The following XG variants were observed in gnomAD, a reference collection of about 807,000 sequenced individuals.
The protein encoded by XG is glycoprotein Xg.
Under a neutral mutation model 25.7 loss-of-function variants are expected in XG, and 24 were observed. The observed-to-expected ratio is 0.93, with a 90% CI of 0.68 to 1.31. The LOEUF (loss-of-function observed/expected upper bound fraction) is 1.31, where lower values mean the gene tolerates loss of function less well. Among genes scored for constraint, XG ranks in the 40% most tolerant of loss-of-function variants. The probability of loss-of-function intolerance (pLI) is 0.00; values close to 1 mark genes in which losing one functional copy is unlikely to be tolerated. For missense variants in XG, 181 were observed against 187.6 expected (o/e 0.96, Z 0.21); for synonymous variants, 77 against 69.2 (o/e 1.11, Z -0.56).
Position 2,811,293 on chromosome X carries a change from T to C in XG, c.455-43T>C, listed in dbSNP as rs766415004. ...TATTTAAGCAGTTTTCCTGCAGCCATGTTTTTTTCTCGGATGAGCTTGCTT... is the reference window on the plus strand; with the variant it reads ...TATTTAAGCAGTTTTCCTGCAGCCACGTTTTTTTCTCGGATGAGCTTGCTT... On this transcript the variant is annotated intron_variant, in intron 9 of 10. Coordinates refer to ENST00000644266, the MANE Select transcript of XG (RefSeq NM_001141919.2). The C allele has an allele frequency of 2.8e-5, 30 of 1,058,993 alleles. No homozygotes were observed. The Admixed American group carries it at 4.9e-4, about 17-fold the overall frequency. 87.3% of individuals were successfully genotyped at this position (1,058,993 alleles called of 1,213,427 possible). A position where few individuals can be genotyped will look rare whatever the true frequency, so the allele number is the denominator to read the frequency against.
Position 2,774,406 on chromosome X carries a change from A to C in XG, c.104-310A>C, listed in dbSNP as rs1027501830. Among the ~76,000 whole-genome samples, 116 of 131,574 alleles carry C rather than the reference A, an allele frequency of 8.8e-4. 1 individual carries two copies. The highest frequency in any genetic ancestry group is 3.0e-3 in the African/African-American group (105 of 34,590). 86.3% of individuals were successfully genotyped at this position (131,574 alleles called of 152,430 possible). A position where few individuals can be genotyped will look rare whatever the true frequency, so the allele number is the denominator to read the frequency against. ...CTTTTCTTTTGCCTCCCCCTGCCTC[A>C]CCCTCCACCGTCCAGCCCTGTGGTG... On this transcript the variant is annotated intron_variant, in intron 2 of 10. Transcript: ENST00000644266.
At chrX:2,797,586 G>GCA (rs755459001) in intron 7 of XG, among the ~76,000 whole-genome samples, 9,323 of 102,385 alleles carry the variant, frequency 0.091, 983 homozygotes, top group African/African-American at 0.29. Context: ...ATACACACAT[G>GCA]CACACACACA....
Position 2,811,512 on chromosome X carries a change from T to C in XG, c.571+60T>C, listed in dbSNP as rs1178336217. ...CTAAGCCTGATTTAAAAAAAAAAAT[T>C]ACTTTCAGATGTCTGTCACTAGCAA... is the stretch of plus-strand genomic sequence containing the variant. On this transcript the variant is annotated intron_variant, in intron 10 of 10. Transcript: ENST00000644266. 1.3e-5 allele frequency: 11 copies of C among 820,149 alleles called. No homozygotes were observed. The Admixed American group carries it at 3.1e-4, about 23-fold the overall frequency. 67.6% of individuals were successfully genotyped at this position (820,149 alleles called of 1,213,427 possible). A position where few individuals can be genotyped will look rare whatever the true frequency, so the allele number is the denominator to read the frequency against.
At chrX:2,790,387 C>A (rs2086825303) in intron 5 of XG, among the ~76,000 whole-genome samples, 1 of 109,433 alleles carries the variant, frequency 9.1e-6, no homozygotes, top group African/African-American at 3.3e-5. Flanking sequence ...TGTAATCCAG[C>A]TACTCAGGAG....
At chrX:2,792,545 T>TTTTCTTTGTG (rs2086847196) in intron 5 of XG, among the ~76,000 whole-genome samples, 2 of 99,778 alleles carry the variant, frequency 2.0e-5, no homozygotes, top group East Asian at 3.1e-4. Context: ...TTCTTTTTCT[T>TTTTCTTTGTG]TGTGTGTGTG....
chrX:2,766,221 A>G (rs1245924589), intron 1 of XG, among the ~76,000 whole-genome samples: 3 of 152,098 alleles, frequency 2.0e-5, no homozygotes, highest in Admixed American at 2.0e-4. Flanking sequence ...GCTCACTGCA[A>G]TCTCCACCTC....
chrX:2,766,855 G>T (rs776689755), intron 1 of XG, among the ~76,000 whole-genome samples: 1 of 152,120 alleles, frequency 6.6e-6, no homozygotes, highest in Admixed American at 6.5e-5. Flanking sequence ...GTGAGCCACC[G>T]CGCCCAGCCT....
intron 1 of XG, among the ~76,000 whole-genome samples, chrX:2,759,781 G>A (rs1046040658): frequency 6.6e-6 from 1 of 152,208 alleles, no homozygotes; most frequent in Non-Finnish European, 1.5e-5. Context: ...GTAGAAAAGT[G>A]GGGTTCTGCC....
chrX:2,777,105 A>T (rs2051015953), intron 3 of XG, among the ~76,000 whole-genome samples: 1 of 152,222 alleles, frequency 6.6e-6, no homozygotes, highest in South Asian at 2.1e-4. Flanking sequence ...TCACACCCTG[A>T]ATAGCACAGC....
At chrX:2,809,638 T>G (rs940251295) in intron 9 of XG, among the ~76,000 whole-genome samples, 1 of 112,589 alleles carries the variant, frequency 8.9e-6, no homozygotes, top group Non-Finnish European at 1.9e-5. Flanking sequence ...TGTTCGTGAT[T>G]ATGTGAGTCA....
chrX:2,781,920 C>G, intron 3 of XG, 146 bp from the exon 4 acceptor site: 4 of 508,400 alleles, frequency 7.9e-6, no homozygotes, highest in Non-Finnish European at 1.3e-5. Flanking sequence ...TTTAACCAGA[C>G]AATGGCAATC....
intron 3 of XG, among the ~76,000 whole-genome samples, chrX:2,776,183 C>T (rs2050986018): frequency 6.6e-6 from 1 of 151,880 alleles, no homozygotes; most frequent in South Asian, 2.1e-4. Context: ...GACCGAGAGA[C>T]GGCTAATGCT....
intron 1 of XG, among the ~76,000 whole-genome samples, chrX:2,766,150 C>CACT (rs1556360732): frequency 6.6e-6 from 1 of 151,366 alleles, no homozygotes; most frequent in Non-Finnish European, 1.5e-5. Flanking sequence ...CTCTCTCTCT[C>CACT]TTTTTTTTTG....
In XG at chrX:2,801,911, G is replaced by T. The variant is rs373099154; in HGVS notation, c.373+4551G>T. On this transcript the variant is annotated intron_variant, in intron 7 of 10. Coordinates refer to ENST00000644266, the MANE Select transcript of XG (RefSeq NM_001141919.2). ...TTTAGTAGAGACGGGGTTTCACCGT[G>T]TTAGCCAGGATGATCTCGATCTCCT... 1.7e-3 allele frequency among the ~76,000 whole-genome samples: 189 copies of T among 109,937 alleles called. 3 individuals are homozygous for T. Among genetic ancestry groups the T allele is most frequent in the East Asian group, 6.9e-3 (24 of 3,458 alleles).
intron 10 of XG, among the ~76,000 whole-genome samples, chrX:2,812,976 A>G (rs1194783973): frequency 8.9e-6 from 1 of 112,015 alleles, no homozygotes; most frequent in South Asian, 3.7e-4. Flanking sequence ...ATTTTAGTGC[A>G]ATATTTTAGA....
intron 1 of XG, among the ~76,000 whole-genome samples, chrX:2,760,428 G>T (rs1249644829): frequency 6.6e-6 from 1 of 151,860 alleles, no homozygotes; most frequent in East Asian, 1.9e-4. Flanking sequence ...TGTGTTTGGA[G>T]ATGGGGTCTT....
intron 1 of XG, among the ~76,000 whole-genome samples, chrX:2,765,518 T>C (rs5982850): frequency 0.068 from 10,375 of 152,232 alleles, 1,050 homozygotes; most frequent in African/African-American, 0.24. Context: ...CTAATGTGGT[T>C]GCACGTCCCG....
At chrX:2,800,862 G>A (rs1347041591) in intron 7 of XG, among the ~76,000 whole-genome samples, 2 of 108,873 alleles carry the variant, frequency 1.8e-5, no homozygotes, top group Admixed American at 9.9e-5. Flanking sequence ...GGAAGTGTGC[G>A]CCTGTGGTCC....
At chrX:2,766,244 A>T (rs1437693935) in intron 1 of XG, among the ~76,000 whole-genome samples, 1 of 151,848 alleles carries the variant, frequency 6.6e-6, no homozygotes, top group African/African-American at 2.4e-5. Context: ...AGGTTCAAGC[A>T]ATTCTCCTGC....
Sources: gnomAD v4.1 joint callset for allele counts (sites outside exome capture counted in the v4.1 genomes callset) on GRCh38, gnomAD v4.1.1 for gene constraint, MANE v1.5 for transcripts, NCBI Gene and HGNC (gene_info 2026-07-23, HGNC 2026-07-21) for gene names.